NTRK3: variants seen among roughly 807,000 people sequenced by gnomAD.
The protein encoded by NTRK3 is NT-3 growth factor receptor.
NTRK3 carries 24 observed loss-of-function variants against 91.7 expected under a neutral mutation model. The ratio of observed to expected loss-of-function variants is 0.26; its 90% CI spans 0.19 to 0.37. The LOEUF (loss-of-function observed/expected upper bound fraction) is 0.37, where lower values mean the gene tolerates loss of function less well. Among genes scored for constraint, NTRK3 ranks in the 10% least tolerant of loss-of-function variants. NTRK3 has a pLI of 1.00. For synonymous variants in NTRK3, 483 were observed against 404.0 expected (o/e 1.20, Z -2.34); for missense variants, 880 against 1,068.9 (o/e 0.82, Z 2.46).
At chr15:88,166,775 G>A (rs184083092) in intron 5 of NTRK3, among the ~76,000 whole-genome samples, 44 of 152,290 alleles carry the variant, frequency 2.9e-4, no homozygotes, top group African/African-American at 1.0e-3. Context: ...AATCTCTTCA[G>A]TAGCTGTGTG....
chr15:87,912,931 A>AAAATATATATATATATATATAT (rs1484111389), intron 17 of NTRK3, among the ~76,000 whole-genome samples: 2 of 36,498 alleles, frequency 5.5e-5, no homozygotes, highest in Non-Finnish European at 9.4e-5. Flanking sequence ...AGTAAAAAAA[A>AAAATATATATATATATATATAT]ATATATATAT....
At chr15:87,966,369 G>A (rs746773291) in intron 14 of NTRK3, among the ~76,000 whole-genome samples, 3 of 152,190 alleles carry the variant, frequency 2.0e-5, no homozygotes, top group Non-Finnish European at 4.4e-5. Context: ...GAAGGACCAG[G>A]TGACTTCCGG....
intron 14 of NTRK3, among the ~76,000 whole-genome samples, chr15:87,987,339 G>A (rs2074899675): frequency 6.6e-6 from 1 of 152,166 alleles, no homozygotes; most frequent in African/African-American, 2.4e-5. Flanking sequence ...ATGGGTGGAA[G>A]ATGTTATCTC....
At chr15:87,929,359 T>G (rs1211226270) in exon 17 of NTRK3, 1 of 1,614,044 alleles carries the variant, frequency 6.2e-7, no homozygotes, top group East Asian at 2.2e-5. Context: ...TGTGGAGCAT[T>G]TGGGAGAGCC....
rs935083206 is a variant in NTRK3 at position 87,906,497 on chromosome 15, G to A, written c.2133+22694C>T. ...GTGGTGTCAGAGGGAGATGAAACCCGTGCTGACCATCAAGCAGACAAGGTA... is the reference window on the plus strand; with the variant it reads ...GTGGTGTCAGAGGGAGATGAAACCCATGCTGACCATCAAGCAGACAAGGTA... On this transcript the variant is annotated intron_variant, in intron 17 of 18. Coordinates refer to ENST00000394480, the Ensembl canonical transcript of NTRK3. Among the ~76,000 whole-genome samples, 4 of 152,146 alleles carry A rather than the reference G, an allele frequency of 2.6e-5. No homozygotes were observed. In the East Asian group the frequency reaches 5.8e-4, roughly 22 times the overall value.
chr15:88,159,466 G>C (rs975483094), intron 5 of NTRK3, among the ~76,000 whole-genome samples: 2 of 152,182 alleles, frequency 1.3e-5, no homozygotes, highest in Non-Finnish European at 2.9e-5. Context: ...CAGGCCTGGA[G>C]AATTTGCTTT....
chr15:88,141,919 CT>C (rs1352060833), intron 6 of NTRK3, among the ~76,000 whole-genome samples: 3 of 152,258 alleles, frequency 2.0e-5, no homozygotes, highest in African/African-American at 7.2e-5. Context: ...ACCTTGAAAC[CT>C]GGTCCTTTGT....
At chr15:88,028,130 C>T (rs922913157) in intron 14 of NTRK3, among the ~76,000 whole-genome samples, 1 of 141,992 alleles carries the variant, frequency 7.0e-6, no homozygotes, top group African/African-American at 2.6e-5. Context: ...GCTGGTGAGT[C>T]ATCAGCAGAA....
At chr15:88,239,923 A>G (rs767131811) in intron 3 of NTRK3, among the ~76,000 whole-genome samples, 1 of 152,180 alleles carries the variant, frequency 6.6e-6, no homozygotes, top group African/African-American at 2.4e-5. Flanking sequence ...CTTCGGAATC[A>G]GAAACTCTGG....
intron 5 of NTRK3, among the ~76,000 whole-genome samples, chr15:88,169,093 C>T (rs1391529711): frequency 1.3e-5 from 2 of 152,134 alleles, no homozygotes; most frequent in African/African-American, 2.4e-5. Context: ...GTGGCTTGAG[C>T]GGAGAGCCCT....
intron 13 of NTRK3, among the ~76,000 whole-genome samples, chr15:88,068,432 A>G (rs981848639): frequency 6.6e-6 from 1 of 152,218 alleles, no homozygotes; most frequent in Non-Finnish European, 1.5e-5. Context: ...CTCCATCTCA[A>G]AAAAACAAAA....
chr15:88,245,438 G>A lies in NTRK3; in HGVS notation c.248+10468C>T, dbSNP rs1255843699. ...AGGGCAGAGCCAGGATTTAAACTGA[G>A]TTTTTTGACCAAAGAAGCCTCTACT... is the stretch of plus-strand genomic sequence containing the variant. On this transcript the variant is annotated intron_variant, in intron 3 of 18. Transcript: ENST00000394480. 6.6e-5 allele frequency among the ~76,000 whole-genome samples: 10 copies of A among 152,202 alleles called. No homozygotes were observed. The East Asian group carries it at 1.3e-3, about 21-fold the overall frequency.
intron 14 of NTRK3, among the ~76,000 whole-genome samples, chr15:87,963,789 C>T (rs1180555979): frequency 1.3e-5 from 2 of 152,150 alleles, no homozygotes; most frequent in African/African-American, 4.8e-5. Flanking sequence ...TCTTGGGGTA[C>T]ACATTGGTAT....
At chr15:88,130,639 A>T (rs1268162438) in intron 10 of NTRK3, among the ~76,000 whole-genome samples, 1 of 152,202 alleles carries the variant, frequency 6.6e-6, no homozygotes, top group African/African-American at 2.4e-5. Context: ...ATGCATAGCT[A>T]GAAATTAATC....
rs561809535 is a variant in NTRK3 at position 88,112,726 on chromosome 15, A to G, written c.1396+13545T>C. Among the ~76,000 whole-genome samples the G allele has an allele frequency of 2.6e-5, 4 of 152,322 alleles. No individual in the cohort carries two copies. In the South Asian group the frequency reaches 6.2e-4, roughly 24 times the overall value. ...TTGGTCCCAGTGATGGGAGACTCTG[A>G]GCAGCAGGGTTCAGAAAGGTCCAGC... On this transcript the variant is annotated intron_variant, in intron 13 of 18. Coordinates refer to ENST00000394480, the Ensembl canonical transcript of NTRK3.
chr15:87,984,287 G>T (rs760696983), intron 14 of NTRK3, among the ~76,000 whole-genome samples: 2 of 152,240 alleles, frequency 1.3e-5, no homozygotes, highest in Non-Finnish European at 2.9e-5. Flanking sequence ...TCTTGGTGAA[G>T]AAAGGATTCC....
intron 5 of NTRK3, among the ~76,000 whole-genome samples, chr15:88,168,892 C>T (rs1331657873): frequency 6.6e-6 from 1 of 152,232 alleles, no homozygotes; most frequent in Non-Finnish European, 1.5e-5. Context: ...GTAGTTCAGG[C>T]CAACTCACTG....
At chr15:87,866,089 A>G (rs534130382) in exon 19 of NTRK3, 6 of 229,232 alleles carry the variant, frequency 2.6e-5, no homozygotes, top group South Asian at 1.8e-4. Context: ...TTAGGGCTCA[A>G]ATAACCCTCT....
At chr15:87,917,180 C>A (rs894642594) in intron 17 of NTRK3, among the ~76,000 whole-genome samples, 1 of 152,190 alleles carries the variant, frequency 6.6e-6, no homozygotes, top group Non-Finnish European at 1.5e-5. Flanking sequence ...AACATACTTA[C>A]CTTGTAGCAG....
Sources: gnomAD v4.1 joint callset for allele counts (sites outside exome capture counted in the v4.1 genomes callset) on GRCh38, gnomAD v4.1.1 for gene constraint, MANE v1.5 for transcripts, NCBI Gene and HGNC (gene_info 2026-07-23, HGNC 2026-07-21) for gene names.